The following CCDC7 variants were observed in gnomAD, a reference collection of about 807,000 sequenced individuals.
CCDC7 encodes coiled-coil domain containing 7, also known as coiled-coil domain-containing protein 7.
Under a neutral mutation model 196.9 loss-of-function variants are expected in CCDC7, and 183 were observed. The observed-to-expected ratio is 0.93, with a 90% CI of 0.82 to 1.05. The LOEUF (loss-of-function observed/expected upper bound fraction) is 1.05. CCDC7 is among the 50% of genes least tolerant of loss of function. The probability of loss-of-function intolerance (pLI) is 0.00; values close to 1 mark genes in which losing one functional copy is unlikely to be tolerated. For missense variants in CCDC7, 1,540 were observed against 1,482.2 expected (o/e 1.04, Z -0.64); for synonymous variants, 525 against 484.6 (o/e 1.08, Z -1.10).
chr10:32,446,779 T>A (rs1469712687), upstream of CCDC7: 1 of 152,186 alleles, frequency 6.6e-6, no homozygotes, highest in African/African-American at 2.4e-5. Flanking sequence ...TCCTTAAATA[T>A]TTGCTTGCTA....
intron 41 of CCDC7, among the ~76,000 whole-genome samples, chr10:32,866,269 T>C (rs2094196752): frequency 6.6e-6 from 1 of 151,706 alleles, no homozygotes; most frequent in Non-Finnish European, 1.5e-5. Flanking sequence ...CTAGACTTCA[T>C]TAAAATGAAA....
At chr10:32,838,662 A>G (rs1356026734) in intron 33 of CCDC7, among the ~76,000 whole-genome samples, 2 of 152,054 alleles carry the variant, frequency 1.3e-5, no homozygotes, top group South Asian at 2.1e-4. Flanking sequence ...CAAAAAGATC[A>G]TCATGTAGGC....
chr10:32,587,270 A>G (rs146661874), intron 18 of CCDC7, among the ~76,000 whole-genome samples: 2 of 152,290 alleles, frequency 1.3e-5, no homozygotes, highest in African/African-American at 4.8e-5. Context: ...ACTGGCTAAT[A>G]TAAAGAAAAA....
intron 29 of CCDC7, among the ~76,000 whole-genome samples, chr10:32,790,469 G>C (rs2134609753): frequency 6.6e-6 from 1 of 152,322 alleles, no homozygotes; most frequent in African/African-American, 2.4e-5. Flanking sequence ...GAGCAGCCAA[G>C]GAGCACCTTG....
At chr10:32,686,012 A>G (rs778101287) in exon 22 of CCDC7, 4 of 1,590,642 alleles carry the variant, frequency 2.5e-6, no homozygotes, top group African/African-American at 1.4e-5. Flanking sequence ...GTTGAGCATC[A>G]AGAATCATTG....
chr10:32,735,006 AT>A, intron 28 of CCDC7, among the ~76,000 whole-genome samples: 1 of 152,314 alleles, frequency 6.6e-6, no homozygotes, highest in East Asian at 1.9e-4. Context: ...ACAGCTACAT[AT>A]GCTTTCTTGT....
chr10:32,781,026 CTG>C (rs369164519), intron 29 of CCDC7, among the ~76,000 whole-genome samples: 10 of 152,086 alleles, frequency 6.6e-5, no homozygotes, highest in African/African-American at 2.4e-4. Context: ...CAAGAGAACA[CTG>C]TGAACAACTG....
At chr10:32,879,602 G>A (rs764080591), downstream of CCDC7, among the ~76,000 whole-genome samples, 13 of 152,034 alleles carry the variant, frequency 8.6e-5, no homozygotes, top group South Asian at 4.1e-4. Context: ...GCTCAGCAAG[G>A]ACTGCTGTAG....
At chr10:32,701,804 T>C (rs1348416573) in intron 24 of CCDC7, among the ~76,000 whole-genome samples, 1 of 152,118 alleles carries the variant, frequency 6.6e-6, no homozygotes, top group African/African-American at 2.4e-5. Context: ...TTTATTTGCA[T>C]AGAGGTGTTT....
intron 28 of CCDC7, among the ~76,000 whole-genome samples, chr10:32,730,249 T>G (rs1206746288): frequency 6.6e-6 from 1 of 152,172 alleles, no homozygotes; most frequent in East Asian, 1.9e-4. Flanking sequence ...ACATGTGATG[T>G]TTGGTATATG....
rs1160005963 is a variant in CCDC7, at chr10:32,523,173, T to A, written c.993+4668T>A. Among the ~76,000 whole-genome samples, 7 of 152,234 alleles carry A rather than the reference T, an allele frequency of 4.6e-5. 1 individual carries two copies. In the East Asian group the frequency reaches 1.3e-3, roughly 29 times the overall value. ...GAAATGTTCTATAAATATCTGTTAG[T>A]TCCATTTGTTCTGTAGTACAGATTA... On this transcript the variant is annotated intron_variant, in intron 11 of 41. Coordinates refer to ENST00000639629, the Ensembl canonical transcript of CCDC7.
intron 30 of CCDC7, among the ~76,000 whole-genome samples, chr10:32,809,252 G>A (rs1263142542): frequency 1.3e-5 from 2 of 151,912 alleles, no homozygotes; most frequent in Admixed American, 6.6e-5. Context: ...TTAATGAAAC[G>A]CCTGAAACAG....
At chr10:32,651,904 G>C (rs2068832354) in intron 20 of CCDC7, among the ~76,000 whole-genome samples, 1 of 152,158 alleles carries the variant, frequency 6.6e-6, no homozygotes. Flanking sequence ...TTTTTATTAA[G>C]GTGAACTTTA....
chr10:32,794,380 A>G (rs1013648131), intron 29 of CCDC7, among the ~76,000 whole-genome samples: 1 of 152,092 alleles, frequency 6.6e-6, no homozygotes, highest in Admixed American at 6.6e-5. Flanking sequence ...GCAGTAATGA[A>G]CTTTTGAGTG....
chr10:32,561,180 C>T (rs1176376013), intron 13 of CCDC7, among the ~76,000 whole-genome samples: 2 of 152,118 alleles, frequency 1.3e-5, no homozygotes, highest in Non-Finnish European at 2.9e-5. Flanking sequence ...GCCTGAGTGA[C>T]CTAGAAAGAG....
chr10:32,671,301 T>C (rs1436666177), intron 21 of CCDC7, among the ~76,000 whole-genome samples: 2 of 152,206 alleles, frequency 1.3e-5, no homozygotes, highest in Non-Finnish European at 2.9e-5. Context: ...CTAATTTTCC[T>C]GTTTAGATAT....
At chr10:32,739,987 G>A (rs1185962373) in intron 28 of CCDC7, among the ~76,000 whole-genome samples, 1 of 152,012 alleles carries the variant, frequency 6.6e-6, no homozygotes, top group Non-Finnish European at 1.5e-5. Context: ...GTCATGGGAG[G>A]AGAAGCAATC....
chr10:32,571,921 C>A, intron 16 of CCDC7, 28 bp downstream of exon 17: 1 of 1,562,050 alleles, frequency 6.4e-7, no homozygotes, highest in Admixed American at 1.9e-5. Flanking sequence ...AATTTGTTCC[C>A]TCATTTTCTA....
At chr10:32,819,509 C>CA (rs921400393) in intron 31 of CCDC7, among the ~76,000 whole-genome samples, 17 of 151,590 alleles carry the variant, frequency 1.1e-4, no homozygotes, top group South Asian at 4.2e-4. Context: ...AGAGACACAA[C>CA]AAAAAAAAGA....
Sources: gnomAD v4.1 joint callset for allele counts (sites outside exome capture counted in the v4.1 genomes callset) on GRCh38, gnomAD v4.1.1 for gene constraint, MANE v1.5 for transcripts, NCBI Gene and HGNC (gene_info 2026-07-23, HGNC 2026-07-21) for gene names.